TLL1: variants seen among roughly 807,000 people sequenced by gnomAD.
TLL1 encodes tolloid-like protein 1.
Under a neutral mutation model 128.2 loss-of-function variants are expected in TLL1, and 49 were observed. The observed-to-expected ratio is 0.38, with a 90% CI of 0.30 to 0.48. TLL1 has a LOEUF of 0.48. TLL1 is among the 20% of genes least tolerant of loss of function. The pLI is 0.96. For synonymous variants in TLL1, 454 were observed against 418.8 expected (o/e 1.08, Z -1.03); for missense variants, 1,123 against 1,242.0 (o/e 0.90, Z 1.44).
At chr4:165,894,070 A>G (rs1731545464) in intron 1 of TLL1, among the ~76,000 whole-genome samples, 1 of 152,174 alleles carries the variant, frequency 6.6e-6, no homozygotes, top group Non-Finnish European at 1.5e-5. Context: ...TTATATTATA[A>G]CACTGAAGTA....
Position 166,097,274 on chromosome 4 carries a change from A to G in TLL1, c.2657-2003A>G, listed in dbSNP as rs377249122. The stretch of plus-strand genomic sequence containing the variant: ...GAAAACCACCGTAGTGGGAAAGGGA[A>G]GGTGCTTGGCTTCCAGTTTGTGGGA... On this transcript the variant is annotated intron_variant, in intron 19 of 20. Transcript: ENST00000061240. Among the ~76,000 whole-genome samples the G allele has an allele frequency of 3.4e-3, 512 of 152,264 alleles. 3 individuals carry two copies. Among genetic ancestry groups the G allele is most frequent in the African/African-American group, 0.012 (479 of 41,568 alleles).
At chr4:165,943,226 C>A (rs945194184) in intron 1 of TLL1, among the ~76,000 whole-genome samples, 1 of 151,902 alleles carries the variant, frequency 6.6e-6, no homozygotes, top group African/African-American at 2.4e-5. Flanking sequence ...GTTTTAAAAC[C>A]TGTATTCAAA....
chr4:166,054,418 A>AT (rs146002353), intron 12 of TLL1, among the ~76,000 whole-genome samples: 3,439 of 151,852 alleles, frequency 0.023, 119 homozygotes, highest in African/African-American at 0.077. Context: ...CTATGGAGCA[A>AT]TTTTTTTTTA....
At chr4:165,918,077 T>C (rs1017983542) in intron 1 of TLL1, among the ~76,000 whole-genome samples, 3 of 152,130 alleles carry the variant, frequency 2.0e-5, no homozygotes, top group Non-Finnish European at 4.4e-5. Flanking sequence ...CCCCACAGCA[T>C]ACATATACAC....
chr4:165,972,649 C>G (rs957520278), intron 1 of TLL1, among the ~76,000 whole-genome samples: 1 of 152,194 alleles, frequency 6.6e-6, no homozygotes, highest in Non-Finnish European at 1.5e-5. Flanking sequence ...TCTCATAACT[C>G]TCTAAGGGTC....
chr4:166,085,605 TC>T (rs1486251259), intron 18 of TLL1, among the ~76,000 whole-genome samples: 1 of 152,110 alleles, frequency 6.6e-6, no homozygotes, highest in Non-Finnish European at 1.5e-5. Context: ...TGTTGAACCA[TC>T]CTTGCATCCT....
intron 1 of TLL1, among the ~76,000 whole-genome samples, chr4:165,969,835 C>T (rs1735556152): frequency 6.6e-6 from 1 of 152,084 alleles, no homozygotes; most frequent in African/African-American, 2.4e-5. Flanking sequence ...TAAAGTTTAA[C>T]TCGTCCTTTG....
At chr4:165,906,414 A>C (rs1732258093) in intron 1 of TLL1, among the ~76,000 whole-genome samples, 1 of 152,220 alleles carries the variant, frequency 6.6e-6, no homozygotes, top group African/African-American at 2.4e-5. Context: ...TAAAGAGGTT[A>C]ATCTTCCCTG....
At chr4:166,087,006 A>C (rs1244643864) in intron 18 of TLL1, among the ~76,000 whole-genome samples, 1 of 152,192 alleles carries the variant, frequency 6.6e-6, no homozygotes, top group Non-Finnish European at 1.5e-5. Context: ...CTTGCTAGAA[A>C]AGGGACAAAG....
chr4:165,919,951 C>G (rs1732971331), intron 1 of TLL1: 7 of 407,970 alleles, frequency 1.7e-5, no homozygotes, highest in South Asian at 8.8e-5. Flanking sequence ...TAAGTGACTT[C>G]CTAATTTGGG....
intron 11 of TLL1, 88 bp from the exon 12 acceptor site, chr4:166,043,186 G>T: frequency 6.4e-7 from 1 of 1,571,182 alleles, no homozygotes; most frequent in Non-Finnish European, 8.7e-7. Context: ...AGCTACAGGA[G>T]CTGAACTTCA....
intron 4 of TLL1, 118 bp downstream of exon 4, chr4:165,994,651 A>G: frequency 8.4e-7 from 1 of 1,195,604 alleles, no homozygotes; most frequent in Non-Finnish European, 1.2e-6. Flanking sequence ...AGGTTGGAAA[A>G]CTACTTCATT....
chr4:166,095,015 A>G (rs916308418), intron 19 of TLL1, among the ~76,000 whole-genome samples: 1 of 152,174 alleles, frequency 6.6e-6, no homozygotes, highest in Non-Finnish European at 1.5e-5. Context: ...AGCCAAGTCC[A>G]GTACCGTATC....
In TLL1 at chr4:165,989,412, T is replaced by C; in HGVS notation, c.201T>C (p.Asp67=). ...AVFWGDIALD[D]EDLNIFQIDR... ...TTTGGGGCGATATTGCCTTAGATGA[T>C]GAAGACTTAAATATCTTTCAAATAG... The change falls in exon 2 of 21, where the codon GAT becomes GAC. Residue 67 remains aspartate (D), a synonymous_variant. Coordinates refer to ENST00000061240, the MANE Select transcript of TLL1 (RefSeq NM_012464.5). The C allele has an allele frequency of 6.2e-7, 1 of 1,612,858 alleles. No homozygotes were observed. Among genetic ancestry groups the C allele is most frequent in the Non-Finnish European group, 8.5e-7 (1 of 1,179,358 alleles).
At chr4:165,903,096 T>A (rs1482212317) in intron 1 of TLL1, among the ~76,000 whole-genome samples, 1 of 152,114 alleles carries the variant, frequency 6.6e-6, no homozygotes. Flanking sequence ...CCCAGCACTG[T>A]GGGAGGCTGA....
At chr4:165,979,676 T>C (rs1239774380) in intron 1 of TLL1, among the ~76,000 whole-genome samples, 1 of 152,100 alleles carries the variant, frequency 6.6e-6, no homozygotes, top group Non-Finnish European at 1.5e-5. Flanking sequence ...TACTCCTAGT[T>C]ACTCAGGAGG....
chr4:165,896,813 G>A (rs1579454467), intron 1 of TLL1, among the ~76,000 whole-genome samples: 2 of 152,092 alleles, frequency 1.3e-5, no homozygotes, highest in African/African-American at 4.8e-5. Context: ...CTAGATCCTT[G>A]ATGAATCGCC....
chr4:165,964,930 G>A (rs371578590), intron 1 of TLL1, among the ~76,000 whole-genome samples: 15 of 151,836 alleles, frequency 9.9e-5, no homozygotes, highest in South Asian at 4.1e-4. Flanking sequence ...GAGTAAGACC[G>A]TGTCTCAAAA....
chr4:165,962,007 T>C (rs1430240070), intron 1 of TLL1, among the ~76,000 whole-genome samples: 1 of 152,070 alleles, frequency 6.6e-6, no homozygotes, highest in Non-Finnish European at 1.5e-5. Context: ...AATGTTCTTC[T>C]TGACATTGGC....
Sources: allele counts gnomAD v4.1 joint callset (sites outside exome capture counted in the v4.1 genomes callset), GRCh38; gene constraint gnomAD v4.1.1; transcripts MANE v1.5; gene names NCBI Gene and HGNC (gene_info 2026-07-23, HGNC 2026-07-21).